Variants in ZNF679 observed in about 807,000 individuals in gnomAD.
ZNF679 encodes the protein zinc finger protein 679, also known as hypothetical protein MGC42415.
Under a neutral mutation model 13.4 loss-of-function variants are expected in ZNF679, and 10 were observed. That is an observed-to-expected ratio of 0.75 (90% CI 0.46 to 1.27). The LOEUF (loss-of-function observed/expected upper bound fraction) is 1.27. Among genes scored for constraint, ZNF679 ranks in the 50% most tolerant of loss-of-function variants. ZNF679 has a pLI of 0.00. For missense variants in ZNF679, 525 were observed against 477.8 expected, an observed-to-expected ratio of 1.10 and a Z score of -0.92; for synonymous variants, 179 against 162.5, an observed-to-expected ratio of 1.10 and a Z score of -0.77.
intron 1 of ZNF679, among the ~76,000 whole-genome samples, chr7:64,232,742 T>C (rs1284903279): frequency 6.6e-6 from 1 of 152,164 alleles, no homozygotes; most frequent in African/African-American, 2.4e-5. Flanking sequence ...AAGAGTCATA[T>C]CGCCTAGATA....
chr7:64,243,874 C>T (rs949189319), intron 1 of ZNF679, among the ~76,000 whole-genome samples: 4 of 152,164 alleles, frequency 2.6e-5, no homozygotes, highest in Non-Finnish European at 5.9e-5. Context: ...CTGTGAGTTG[C>T]ACCCAAAATG....
At chr7:64,253,562 G>A (rs954168420) in intron 2 of ZNF679, among the ~76,000 whole-genome samples, 4 of 152,070 alleles carry the variant, frequency 2.6e-5, no homozygotes, top group African/African-American at 9.7e-5. Flanking sequence ...TGCTGTTTTG[G>A]GTCAGTTTCT....
At chr7:64,230,259 C>A (rs143579027) in intron 1 of ZNF679, among the ~76,000 whole-genome samples, 22 of 152,178 alleles carry the variant, frequency 1.4e-4, no homozygotes, top group Middle Eastern at 3.4e-3. Flanking sequence ...AGAGGCCGGG[C>A]GCGGTGGCTC....
In ZNF679 at chr7:64,265,996, C is replaced by A. The variant is rs1788139513; in HGVS notation, c.363C>A (p.Asp121Glu). ...GAAGATATGGAAAAAGTGGACATGA[C>A]AATTTACAAGTAAAAACATGTAAAA... ...IPRRYGKSGH[D>E]NLQVKTCKSM... Residue 121 changes from aspartate to glutamate, a missense_variant, in exon 5 of 5, where the codon GAC (aspartate) becomes GAA (glutamate). Transcript: ENST00000421025. The A allele has an allele frequency of 6.2e-7, 1 of 1,613,574 alleles. No homozygotes were observed. Among genetic ancestry groups the A allele is most frequent in the Non-Finnish European group, 8.5e-7 (1 of 1,179,776 alleles).
intron 2 of ZNF679, 150 bp downstream of exon 2, chr7:64,249,306 T>C: frequency 1.6e-6 from 2 of 1,290,048 alleles, no homozygotes; most frequent in South Asian, 1.3e-5. Context: ...GTTAGTCCCC[T>C]CGAGCCATAA....
chr7:64,244,774 A>C (rs879130528), intron 1 of ZNF679, among the ~76,000 whole-genome samples: 1 of 152,226 alleles, frequency 6.6e-6, no homozygotes, highest in Admixed American at 6.5e-5. Context: ...GAGCTACAGC[A>C]CTGAGCAGTC....
chr7:64,252,340 G>C (rs1302408947), intron 2 of ZNF679, among the ~76,000 whole-genome samples: 1 of 152,168 alleles, frequency 6.6e-6, no homozygotes, highest in African/African-American at 2.4e-5. Context: ...TTTATCAGTA[G>C]AGCTCAATAT....
chr7:64,265,677 G>A (rs768780253), intron 4 of ZNF679, among the ~76,000 whole-genome samples: 21 of 152,064 alleles, frequency 1.4e-4, no homozygotes, highest in Admixed American at 6.6e-4. Flanking sequence ...TTGGTATTGT[G>A]CCCACCTGGT....
At chr7:64,241,842 T>C (rs1366367085) in intron 1 of ZNF679, among the ~76,000 whole-genome samples, 2 of 152,192 alleles carry the variant, frequency 1.3e-5, no homozygotes, top group Admixed American at 6.5e-5. Context: ...CAGGTATATG[T>C]TACAATCTTA....
In ZNF679 at chr7:64,236,902, GA is replaced by G. The variant is rs201060024; in HGVS notation, c.-91+8257del. Among the ~76,000 whole-genome samples, 190 of 113,474 alleles carry G rather than the reference GA, an allele frequency of 1.7e-3. 1 individual carries two copies. The East Asian group carries it at 0.017, about 10-fold the overall frequency. 74.4% of individuals were successfully genotyped at this position (113,474 alleles called of 152,430 possible). ...AGAGAAAGAAAGAAAAAAAGAAAAAGAAAAAAAGAAAGAAAGAAAGAAGAAA... is the reference window on the plus strand; with the variant it reads ...AGAGAAAGAAAGAAAAAAAGAAAAAGAAAAAAGAAAGAAAGAAAGAAGAAA... On this transcript the variant is annotated intron_variant, in intron 1 of 4. Coordinates refer to ENST00000421025, the MANE Select transcript of ZNF679 (RefSeq NM_153363.3).
chr7:64,230,451 T>G (rs1317402349), intron 1 of ZNF679, among the ~76,000 whole-genome samples: 2 of 149,126 alleles, frequency 1.3e-5, no homozygotes, highest in Admixed American at 6.8e-5. Context: ...GAGAATGGCG[T>G]GAACCCGGGA....
intron 4 of ZNF679, among the ~76,000 whole-genome samples, chr7:64,261,658 T>G (rs1788078686): frequency 6.6e-6 from 1 of 152,118 alleles, no homozygotes; most frequent in Non-Finnish European, 1.5e-5. Flanking sequence ...CTTCAATTTC[T>G]TTACATCAAC....
chr7:64,266,506 T>C lies in ZNF679; in HGVS notation c.873T>C (p.Thr291=). 2.5e-6 allele frequency: 4 copies of C among 1,613,606 alleles called. No homozygotes were observed. The highest frequency in any genetic ancestry group is 2.5e-6 in the Non-Finnish European group (3 of 1,179,818). ...STLANHKRIH[T]GEKPYTCEEC... ...TTGCTAACCACAAGAGAATTCATAC[T>C]GGAGAGAAACCATACACATGTGAAG... The change falls in exon 5 of 5, where the codon ACT becomes ACC. Residue 291 remains threonine (T), a synonymous_variant. Transcript: ENST00000421025.
At chr7:64,252,417 T>C (rs970420357) in intron 2 of ZNF679, among the ~76,000 whole-genome samples, 1 of 152,246 alleles carries the variant, frequency 6.6e-6, no homozygotes. Flanking sequence ...TCATGTATTC[T>C]GTTTGTTAAA....
Position 64,260,953 on chromosome 7 carries a change from A to G in ZNF679, c.262+24A>G, listed in dbSNP as rs182119370. 5.0e-6 allele frequency: 8 copies of G among 1,600,400 alleles called. No individual in the cohort carries two copies. The East Asian group carries it at 1.6e-4, about 31-fold the overall frequency. ...AGGTAAGTGAGAGTGGATGAAGCGG[A>G]TGACACAGATGAGAGGTGCAAAAGT... is the stretch of plus-strand genomic sequence containing the variant. On this transcript the variant is annotated intron_variant, in intron 4 of 4. Coordinates refer to ENST00000421025, the MANE Select transcript of ZNF679 (RefSeq NM_153363.3).
chr7:64,248,309 G>A lies in ZNF679; in HGVS notation c.-90-719G>A, dbSNP rs13244780. 5.9e-3 allele frequency among the ~76,000 whole-genome samples: 888 copies of A among 151,032 alleles called. 6 individuals carry two copies. Among genetic ancestry groups the A allele is most frequent in the Non-Finnish European group, 0.011 (728 of 67,870 alleles). On this transcript the variant is annotated intron_variant, in intron 1 of 4. Transcript: ENST00000421025. Reference sequence around the variant, plus strand: ...CAATTTTTTTTTTTTTTGAGACCGAGTCTGGCTCTTTCGCCCAGGCTGCAG... The same window carrying A: ...CAATTTTTTTTTTTTTTGAGACCGAATCTGGCTCTTTCGCCCAGGCTGCAG...
At chr7:64,231,767 C>T (rs1985508) in intron 1 of ZNF679, among the ~76,000 whole-genome samples, 45,165 of 152,102 alleles carry the variant, frequency 0.3, 6,845 homozygotes, top group Middle Eastern at 0.32. Context: ...ATCACATCAC[C>T]TATGTAGCCC....
At chr7:64,249,470 C>A (rs1787914684) in intron 2 of ZNF679, among the ~76,000 whole-genome samples, 1 of 152,198 alleles carries the variant, frequency 6.6e-6, no homozygotes. Flanking sequence ...AGGGGAGAAT[C>A]CCGACTCAGG....
chr7:64,229,519 C>T (rs1033178523), intron 1 of ZNF679, among the ~76,000 whole-genome samples: 1 of 152,046 alleles, frequency 6.6e-6, no homozygotes, highest in Non-Finnish European at 1.5e-5. Context: ...CACCAGTGGG[C>T]TGTGTCTAGG....
Sources: allele counts gnomAD v4.1 joint callset (sites outside exome capture counted in the v4.1 genomes callset), GRCh38; gene constraint gnomAD v4.1.1; transcripts MANE v1.5; gene names NCBI Gene and HGNC (gene_info 2026-07-23, HGNC 2026-07-21).